UBAP1: variants seen among roughly 807,000 people sequenced by gnomAD.
UBAP1 encodes the protein ubiquitin associated protein 1.
UBAP1 carries 5 observed loss-of-function variants against 39.0 expected under a neutral mutation model. That is an observed-to-expected ratio of 0.13 (90% CI 0.07 to 0.27). The LOEUF is 0.27. Among genes scored for constraint, UBAP1 ranks in the 10% least tolerant of loss-of-function variants. UBAP1 has a pLI of 1.00. For missense variants in UBAP1, 490 were observed against 608.1 expected (o/e 0.81, Z 2.04); for synonymous variants, 211 against 225.1 (o/e 0.94, Z 0.56).
At chr9:34,244,165 G>A (rs962085656) in intron 4 of UBAP1, among the ~76,000 whole-genome samples, 4 of 151,862 alleles carry the variant, frequency 2.6e-5, no homozygotes, top group Admixed American at 6.6e-5. Context: ...TATTTTTTTT[G>A]TACCTATTAA....
intron 2 of UBAP1, among the ~76,000 whole-genome samples, chr9:34,226,380 G>T (rs1429605960): frequency 6.6e-6 from 1 of 151,928 alleles, no homozygotes. Context: ...GGGATTATAG[G>T]TGCGCACCAC....
chr9:34,205,498 A>G (rs1020887853), intron 1 of UBAP1, among the ~76,000 whole-genome samples: 1 of 152,166 alleles, frequency 6.6e-6, no homozygotes, highest in Admixed American at 6.6e-5. Context: ...CTGAAATTAC[A>G]TGTTAGGTAT....
At chr9:34,215,060 A>T (rs1035848550) in intron 1 of UBAP1, among the ~76,000 whole-genome samples, 1 of 152,224 alleles carries the variant, frequency 6.6e-6, no homozygotes, top group African/African-American at 2.4e-5. Flanking sequence ...TCTGGAAAAC[A>T]GTGTGGAGAT....
At chr9:34,221,502 C>T (rs1832758304) in intron 2 of UBAP1, among the ~76,000 whole-genome samples, 1 of 149,066 alleles carries the variant, frequency 6.7e-6, no homozygotes, top group Non-Finnish European at 1.5e-5. Flanking sequence ...TGCACTCCAG[C>T]CTGGGGGACA....
rs756296140 is a variant in UBAP1, at chr9:34,234,324, T to C, written c.143T>C (p.Val48Ala). The C allele has an allele frequency of 3.7e-6, 6 of 1,604,546 alleles. No homozygotes were observed. In the South Asian group the frequency reaches 4.5e-5, roughly 12 times the overall value. Residue 48 changes from valine (V) to alanine (A), a missense_variant, in exon 3 of 7, where the codon GTT becomes GCT. Physicochemically the swap from Val to Ala is moderately conservative, Grantham distance 64. Around this residue, in one of 3 missense-constraint regions of UBAP1, gnomAD observed 144 missense variants for 184.4 expected, o/e 0.78. Transcript: ENST00000297661. Reference sequence around the variant, plus strand: ...TTCTCCTTGCCTGATTGTTTGCAGGTTGTCAGAGAAGTACAGGTAAGTGGT... The same window carrying C: ...TTCTCCTTGCCTGATTGTTTGCAGGCTGTCAGAGAAGTACAGGTAAGTGGT... ...IGFSLPDCLQVVREVQYDFSL... is the reference protein window; with the variant it reads ...IGFSLPDCLQAVREVQYDFSL...
rs777008697 is a variant in UBAP1, at chr9:34,196,898, T to TTGTGTGTGTG, written c.-8+17688_-8+17697dup. 7.5e-3 allele frequency among the ~76,000 whole-genome samples: 1,061 copies of TTGTGTGTGTG among 141,398 alleles called. 7 individuals carry two copies. Among genetic ancestry groups the TTGTGTGTGTG allele is most frequent in the Non-Finnish European group, 0.01 (667 of 65,538 alleles). The allele number at this position is 141,398 out of a possible 152,430, so 92.8% of individuals were successfully genotyped here. A position where few individuals can be genotyped will look rare whatever the true frequency, so the allele number is the denominator to read the frequency against. Reference sequence around the variant, plus strand: ...TGTATTGTCTTTCTAATATTGTTATTTGTGTGTGTGTGTGTGTGTGTGTGT... The same window carrying TTGTGTGTGTG: ...TGTATTGTCTTTCTAATATTGTTATTTGTGTGTGTGTGTGTGTGTGTGTGTGTGTGTGTGT... On this transcript the variant is annotated intron_variant, in intron 1 of 6. Transcript: ENST00000297661.
At chr9:34,186,971 G>A (rs1830441056) in intron 1 of UBAP1, among the ~76,000 whole-genome samples, 1 of 152,046 alleles carries the variant, frequency 6.6e-6, no homozygotes, top group South Asian at 2.1e-4. Context: ...GCAATGGCGT[G>A]ATCTTGGCTC....
At chr9:34,210,013 T>C (rs975925446) in intron 1 of UBAP1, among the ~76,000 whole-genome samples, 5 of 152,220 alleles carry the variant, frequency 3.3e-5, no homozygotes, top group African/African-American at 1.2e-4. Flanking sequence ...TATTAAATCT[T>C]GTTTCTATAC....
intron 5 of UBAP1, 63 bp from the exon 6 acceptor site, chr9:34,250,595 G>C: frequency 1.5e-6 from 2 of 1,344,124 alleles, no homozygotes; most frequent in Non-Finnish European, 2.1e-6. Context: ...AGTTTGTTGA[G>C]GTCTCTTGGA....
intron 2 of UBAP1, among the ~76,000 whole-genome samples, chr9:34,228,926 C>T (rs887066154): frequency 2.0e-5 from 3 of 151,942 alleles, no homozygotes; most frequent in African/African-American, 7.3e-5. Context: ...ATCCCTACCT[C>T]CTCCTTCCAG....
At chr9:34,187,744 G>T (rs1426267006) in intron 1 of UBAP1, among the ~76,000 whole-genome samples, 2 of 150,870 alleles carry the variant, frequency 1.3e-5, no homozygotes, top group African/African-American at 4.9e-5. Flanking sequence ...CCTTGGACTT[G>T]TGTGTCTCCT....
At chr9:34,242,951 C>A (rs913483695) in intron 4 of UBAP1, among the ~76,000 whole-genome samples, 2 of 152,146 alleles carry the variant, frequency 1.3e-5, no homozygotes, top group Non-Finnish European at 1.5e-5. Context: ...TAAAAAGATA[C>A]AAAATCTTGG....
intron 4 of UBAP1, among the ~76,000 whole-genome samples, chr9:34,247,976 A>G (rs1436097618): frequency 1.3e-5 from 2 of 152,050 alleles, no homozygotes; most frequent in African/African-American, 4.8e-5. Flanking sequence ...TACCTAAAGC[A>G]TACCAAATAA....
chr9:34,250,598 C>T, intron 5 of UBAP1, 60 bp from the exon 6 acceptor site: 1 of 1,409,512 alleles, frequency 7.1e-7, no homozygotes, highest in South Asian at 1.2e-5. Flanking sequence ...TTGTTGAGGT[C>T]TCTTGGAAAG....
intron 1 of UBAP1, among the ~76,000 whole-genome samples, chr9:34,184,272 G>T (rs1010642628): frequency 6.6e-6 from 1 of 152,030 alleles, no homozygotes; most frequent in East Asian, 1.9e-4. Flanking sequence ...AGGAAAGGGT[G>T]CTGACACTGG....
intron 3 of UBAP1, among the ~76,000 whole-genome samples, chr9:34,234,898 C>T (rs1587869127): frequency 6.6e-6 from 1 of 152,184 alleles, no homozygotes; most frequent in African/African-American, 2.4e-5. Flanking sequence ...AGAACAGCCT[C>T]AGGTAGGTCC....
At position 34,216,393 on chromosome 9, in the gene UBAP1, C is replaced by T. The variant is rs111350147; in HGVS notation, c.-7-4515C>T. Among the ~76,000 whole-genome samples the T allele has an allele frequency of 7.2e-3, 1,090 of 152,248 alleles. 12 individuals carry two copies. The highest frequency in any genetic ancestry group is 0.025 in the African/African-American group (1,050 of 41,528). The stretch of plus-strand genomic sequence containing the variant: ...TTTCTCTTTCCCAGACCCAGGCAAC[C>T]GCCAGTCTGCTTTCAGTCTCTTTGG... On this transcript the variant is annotated intron_variant, in intron 1 of 6. Transcript: ENST00000297661.
intron 2 of UBAP1, among the ~76,000 whole-genome samples, chr9:34,225,074 G>A (rs145096099): frequency 2.0e-5 from 3 of 152,288 alleles, no homozygotes; most frequent in African/African-American, 7.2e-5. Flanking sequence ...AGCCTTCTTA[G>A]CTTATGAGCC....
At chr9:34,233,582 T>C (rs1049253347) in intron 2 of UBAP1, among the ~76,000 whole-genome samples, 1 of 152,336 alleles carries the variant, frequency 6.6e-6, no homozygotes, top group South Asian at 2.1e-4. Context: ...TTTGAAAATA[T>C]GTCATTGAAT....
Sources: allele counts gnomAD v4.1 joint callset (sites outside exome capture counted in the v4.1 genomes callset), GRCh38; gene constraint gnomAD v4.1.1; regional missense constraint gnomAD v4.1.1; transcripts MANE v1.5; gene names NCBI Gene and HGNC (gene_info 2026-07-23, HGNC 2026-07-21).